Variants in TSPAN9 observed in about 807,000 individuals in gnomAD.
The protein encoded by TSPAN9 is tetraspanin 9.
In TSPAN9, 16 loss-of-function variants were observed where a neutral mutation model predicts 31.0. That is an observed-to-expected ratio of 0.52 (90% CI 0.35 to 0.78). TSPAN9 has a LOEUF of 0.78. TSPAN9 is among the 30% of genes least tolerant of loss of function. The pLI is 0.01. For synonymous variants in TSPAN9, 145 were observed against 121.6 expected (o/e 1.19, Z -1.27); for missense variants, 272 against 312.5 (o/e 0.87, Z 0.98).
At chr12:3,120,440 C>G (rs1314606335) in intron 2 of TSPAN9, among the ~76,000 whole-genome samples, 4 of 152,194 alleles carry the variant, frequency 2.6e-5, no homozygotes, top group African/African-American at 9.7e-5. Flanking sequence ...TCCCCTGGAG[C>G]CTGCTCTCCC....
intron 1 of TSPAN9, among the ~76,000 whole-genome samples, chr12:3,082,613 G>C (rs575961180): frequency 2.0e-5 from 3 of 152,254 alleles, no homozygotes; most frequent in African/African-American, 7.2e-5. Flanking sequence ...GGGACGTCAT[G>C]GTAGGGAGAG....
intron 2 of TSPAN9, among the ~76,000 whole-genome samples, chr12:3,088,283 A>C (rs2098301705): frequency 6.6e-6 from 1 of 152,246 alleles, no homozygotes; most frequent in African/African-American, 2.4e-5. Context: ...CCCCCAGGAA[A>C]ACAATTAGGT....
intron 2 of TSPAN9, among the ~76,000 whole-genome samples, chr12:3,128,086 A>G (rs954096904): frequency 2.0e-5 from 3 of 152,240 alleles, no homozygotes; most frequent in Non-Finnish European, 4.4e-5. Context: ...CCACTGTCGT[A>G]TGTGTGGTCC....
At chr12:3,250,917 G>A (rs1413073843) in intron 3 of TSPAN9, among the ~76,000 whole-genome samples, 1 of 152,242 alleles carries the variant, frequency 6.6e-6, no homozygotes, top group East Asian at 1.9e-4. Flanking sequence ...GGGTGACAGG[G>A]TGGCATATGG....
intron 3 of TSPAN9, among the ~76,000 whole-genome samples, chr12:3,214,870 C>T (rs117248269): frequency 0.021 from 3,148 of 152,108 alleles, 59 homozygotes; most frequent in South Asian, 0.035. Context: ...TTAGGAAGAG[C>T]GTTCTTGTTT....
chr12:3,272,379 T>C (rs1322709259), intron 3 of TSPAN9, among the ~76,000 whole-genome samples: 4 of 152,146 alleles, frequency 2.6e-5, no homozygotes. Flanking sequence ...ATCCCCATCA[T>C]TCATTCATTT....
intron 2 of TSPAN9, among the ~76,000 whole-genome samples, chr12:3,118,217 A>G (rs888216180): frequency 2.3e-5 from 3 of 131,974 alleles, no homozygotes; most frequent in African/African-American, 8.7e-5. Context: ...CAGCTGCATT[A>G]TCACATTTAC....
intron 2 of TSPAN9, among the ~76,000 whole-genome samples, chr12:3,096,404 C>T (rs1024903613): frequency 2.0e-5 from 3 of 152,170 alleles, no homozygotes; most frequent in African/African-American, 7.2e-5. Flanking sequence ...TTTCTAACAT[C>T]TCTCCTAAGT....
intron 2 of TSPAN9, among the ~76,000 whole-genome samples, chr12:3,151,931 C>A (rs74054914): frequency 5.3e-5 from 8 of 150,532 alleles, no homozygotes; most frequent in African/African-American, 1.5e-4. Flanking sequence ...TCAAAAAAAA[C>A]AAAAAAAACA....
intron 2 of TSPAN9, among the ~76,000 whole-genome samples, chr12:3,106,321 C>G (rs60133296): frequency 0.039 from 5,874 of 152,316 alleles, 391 homozygotes; most frequent in African/African-American, 0.13. Flanking sequence ...CAGTTTACCC[C>G]TCTTGTATAA....
intron 3 of TSPAN9, among the ~76,000 whole-genome samples, chr12:3,252,019 C>T (rs7969798): frequency 0.067 from 10,216 of 152,148 alleles, 877 homozygotes; most frequent in East Asian, 0.36. Flanking sequence ...TGGGTCCCTG[C>T]GTGAGTGAGG....
Position 3,281,822 on chromosome 12 carries a change from GA to G in TSPAN9, c.648+6del. The stretch of plus-strand genomic sequence containing the variant: ...ATGTGCATCCTCATCATGCAGGTAA[GA>G]GGGGCGTCCCCAGCAGCCTCACCCA... On this transcript the variant is annotated splice_donor_region_variant and intron_variant, in intron 8 of 8. Coordinates refer to ENST00000011898, the MANE Select transcript of TSPAN9 (RefSeq NM_006675.5). The G allele has an allele frequency of 2.5e-6, 4 of 1,613,986 alleles. No homozygotes were observed. The highest frequency in any genetic ancestry group is 3.4e-6 in the Non-Finnish European group (4 of 1,179,972).
intron 2 of TSPAN9, among the ~76,000 whole-genome samples, chr12:3,132,404 C>T (rs2098330207): frequency 6.6e-6 from 1 of 152,154 alleles, no homozygotes; most frequent in Non-Finnish European, 1.5e-5. Flanking sequence ...ATGAGGGTTC[C>T]AATTTCTCCA....
At position 3,118,265 on chromosome 12, in the gene TSPAN9, T is replaced by TTTTTTTTTTTTTTG. The variant is rs1565582042; in HGVS notation, c.-18+34559_-18+34560insGTTTTTTTTTTTTT. On this transcript the variant is annotated intron_variant, in intron 2 of 8. Transcript: ENST00000011898. ...CGCCCCTGCACCCGCCGTTTTTTTTTTTTTTTTTTTTTTTTGAGATGGAGT... is the reference window on the plus strand; with the variant it reads ...CGCCCCTGCACCCGCCGTTTTTTTTTTTTTTTTTTTTTTGTTTTTTTTTTTTTTTGAGATGGAGT... Among the ~76,000 whole-genome samples, 15 of 101,740 alleles carry TTTTTTTTTTTTTTG rather than the reference T, an allele frequency of 1.5e-4. 3 individuals carry two copies. The highest frequency in any genetic ancestry group is 2.3e-4 in the Non-Finnish European group (11 of 48,462). The allele number at this position is 101,740 out of a possible 152,430, so 66.7% of individuals were successfully genotyped here.
intron 3 of TSPAN9, among the ~76,000 whole-genome samples, chr12:3,268,839 G>A (rs1423888591): frequency 1.8e-5 from 2 of 109,576 alleles, no homozygotes; most frequent in Admixed American, 1.8e-4. Context: ...CATTCCTGCA[G>A]CCTGCCCTCC....
At chr12:3,165,010 G>A (rs779408718) in intron 2 of TSPAN9, among the ~76,000 whole-genome samples, 3 of 152,194 alleles carry the variant, frequency 2.0e-5, no homozygotes, top group Non-Finnish European at 2.9e-5. Context: ...TTGGTTGGGA[G>A]GAAAGAGGCT....
intron 3 of TSPAN9, among the ~76,000 whole-genome samples, chr12:3,210,165 G>T (rs1453448166): frequency 6.6e-6 from 1 of 151,632 alleles, no homozygotes; most frequent in African/African-American, 2.4e-5. Flanking sequence ...AAGTTTCTAA[G>T]CATGAAGCAG....
intron 2 of TSPAN9, among the ~76,000 whole-genome samples, chr12:3,165,328 AT>A (rs1226617433): frequency 6.6e-6 from 1 of 152,122 alleles, no homozygotes; most frequent in East Asian, 1.9e-4. Flanking sequence ...AAATAGAGGG[AT>A]TTCTTATTGC....
rs1325105362 is a variant in TSPAN9, at chr12:3,280,803, C to G, written c.432+320C>G. 2.6e-5 allele frequency among the ~76,000 whole-genome samples: 4 copies of G among 152,140 alleles called. No individual in the cohort carries two copies. Among genetic ancestry groups the G allele is most frequent in the Non-Finnish European group, 4.4e-5 (3 of 68,024 alleles). On this transcript the variant is annotated intron_variant, in intron 6 of 8. Coordinates refer to ENST00000011898, the MANE Select transcript of TSPAN9 (RefSeq NM_006675.5). The surrounding 1 kb of genome is among the most constrained non-coding windows in gnomAD (Gnocchi z 4.5). ...TGGCTTAGGTGAGGAGGCCCTGGCT[C>G]TAGGAGGAGAACAAGTCCATAGTCC... is the stretch of plus-strand genomic sequence containing the variant.
Sources: allele counts gnomAD v4.1 joint callset (sites outside exome capture counted in the v4.1 genomes callset), GRCh38; gene constraint gnomAD v4.1.1; non-coding constraint Gnocchi (gnomAD v3.1); transcripts MANE v1.5; gene names NCBI Gene and HGNC (gene_info 2026-07-23, HGNC 2026-07-21).